Variants in DNAH8 observed in about 807,000 individuals in gnomAD.
The protein encoded by DNAH8 is axonemal beta dynein heavy chain 8.
In DNAH8, 382 loss-of-function variants were observed where a neutral mutation model predicts 562.1. The observed-to-expected ratio is 0.68, with a 90% confidence interval of 0.63 to 0.74. DNAH8 has a LOEUF of 0.74. DNAH8 is among the 30% of genes least tolerant of loss of function. The pLI, the probability that DNAH8 is intolerant of heterozygous loss-of-function variation, is 0.00. For synonymous variants in DNAH8, 1,881 were observed against 1,919.4 expected, an observed-to-expected ratio of 0.98 and a Z score of 0.52; for missense variants, 5,203 against 5,620.4, an observed-to-expected ratio of 0.93 and a Z score of 2.37.
intron 8 of DNAH8, among the ~76,000 whole-genome samples, chr6:38,742,780 T>C (rs1259145888): frequency 1.4e-5 from 2 of 139,580 alleles, no homozygotes; most frequent in African/African-American, 2.5e-5. Context: ...CAACTGCACT[T>C]TTCTATTTTA....
At chr6:38,909,459 C>T in intron 64 of DNAH8, 59 bp from the exon 65 acceptor site, 1 of 1,514,926 alleles carries the variant, frequency 6.6e-7, no homozygotes, top group Non-Finnish European at 9.2e-7. Flanking sequence ...GTAAATCTCT[C>T]TCTGGCTGAC....
At chr6:38,962,036 A>T (rs1762635178) in intron 82 of DNAH8, among the ~76,000 whole-genome samples, 1 of 152,032 alleles carries the variant, frequency 6.6e-6, no homozygotes, top group Non-Finnish European at 1.5e-5. Context: ...TTGTAAAATA[A>T]GATGTAAAAC....
Position 38,929,553 on chromosome 6 carries a change from G to A in DNAH8, c.11161G>A (p.Asp3721Asn), listed in dbSNP as rs755050080. The change falls in exon 75 of 93, where the codon GAC (aspartate) becomes AAC (asparagine). Residue 3721 changes from aspartate (D) to asparagine (N), a missense_variant. Transcript: ENST00000327475. ...NHKYFRTHLE[D>N]SLSLGRPLLI... ...TAAATATTTTCGCACACACTTGGAG[G>A]ACAGCCTTTCCTTGGGCCGACCCCT... The A allele has an allele frequency of 2.5e-6, 4 of 1,612,988 alleles. No homozygotes were observed. Among genetic ancestry groups the A allele is most frequent in the Non-Finnish European group, 8.5e-7 (1 of 1,179,428 alleles).
chr6:38,828,158 T>C, intron 29 of DNAH8, 26 bp from the exon 30 acceptor site: 3 of 1,473,686 alleles, frequency 2.0e-6, no homozygotes, highest in Non-Finnish European at 2.8e-6. Flanking sequence ...CTTGTGATAT[T>C]TCTAAACTCC....
chr6:38,963,003 A>G (rs973722644), intron 82 of DNAH8, among the ~76,000 whole-genome samples: 2 of 152,190 alleles, frequency 1.3e-5, no homozygotes, highest in Non-Finnish European at 2.9e-5. Context: ...GAGGGATAAA[A>G]TACTACTTAT....
At chr6:38,747,739 C>A (rs1030775163) in intron 8 of DNAH8, among the ~76,000 whole-genome samples, 1 of 152,172 alleles carries the variant, frequency 6.6e-6, no homozygotes, top group African/African-American at 2.4e-5. Context: ...ACTCTTTGTT[C>A]TTCTTTTCCA....
chr6:38,864,701 G>C (rs1453263701), intron 45 of DNAH8, among the ~76,000 whole-genome samples: 2 of 151,910 alleles, frequency 1.3e-5, no homozygotes, highest in African/African-American at 2.4e-5. Flanking sequence ...GGTGGGGTGG[G>C]GGAAAACGTG....
intron 82 of DNAH8, 24 bp downstream of exon 82, chr6:38,951,544 G>A (rs1276042192): frequency 1.3e-6 from 2 of 1,581,750 alleles, no homozygotes; most frequent in Non-Finnish European, 1.7e-6. Flanking sequence ...TCTACAAAAT[G>A]TAGCAACACT....
chr6:38,883,950 A>C lies in DNAH8; in HGVS notation c.8211A>C (p.Val2737=). ...CACCAGGAGGGAGAAAAATGACTGT[A>C]TTTATTGATGATATTAATATGCCTG... ...YGPPGGRKMT[V]FIDDINMPVI... is the part of the protein sequence containing the mutation. Residue 2737 remains valine, a synonymous_variant, in exon 56 of 93, where the codon GTA becomes GTC. Transcript: ENST00000327475. The C allele has an allele frequency of 6.3e-7, 1 of 1,588,268 alleles. No individual in the cohort carries two copies. Among genetic ancestry groups the C allele is most frequent in the African/African-American group, 1.3e-5 (1 of 74,266 alleles).
In DNAH8 at chr6:38,908,034, C is replaced by T. The variant is rs151313083; in HGVS notation, c.9427C>T (p.Arg3143Cys). The change falls in exon 64 of 93, where the codon CGC (arginine) becomes TGC (cysteine). Residue 3143 changes from arginine (R) to cysteine (C), a missense_variant. By Grantham distance (180) the Arg-to-Cys change is radical. Transcript: ENST00000327475. Reference sequence around the variant, plus strand: ...TTCAGTGATGAAGAGGGAGCTACCTCGCCATCCTCCTACCTTTGATAATTT... The same window carrying T: ...TTCAGTGATGAAGAGGGAGCTACCTTGCCATCCTCCTACCTTTGATAATTT... ...LISVMKRELPRHPPTFDNLYE... is the reference protein window; with the variant it reads ...LISVMKRELPCHPPTFDNLYE... The T allele has an allele frequency of 9.8e-5, 158 of 1,612,448 alleles. No individual in the cohort carries two copies. In the African/African-American group the frequency reaches 1.5e-3, roughly 16 times the overall value.
intron 91 of DNAH8, among the ~76,000 whole-genome samples, chr6:39,025,019 A>AT (rs1193244922): frequency 6.6e-6 from 1 of 152,166 alleles, no homozygotes; most frequent in Non-Finnish European, 1.5e-5. Flanking sequence ...AACCATTTGA[A>AT]TTTTTATTTA....
At chr6:38,894,618 A>G (rs2150494500) in intron 58 of DNAH8, 83 bp from the exon 59 acceptor site, 2 of 1,105,404 alleles carry the variant, frequency 1.8e-6, no homozygotes, top group Middle Eastern at 2.8e-4. Context: ...CTAAAATAGG[A>G]TTTGTGAGAC....
intron 61 of DNAH8, among the ~76,000 whole-genome samples, chr6:38,898,674 G>A (rs1011402007): frequency 2.0e-5 from 3 of 152,134 alleles, no homozygotes; most frequent in Non-Finnish European, 2.9e-5. Context: ...AAAGTATGGA[G>A]AACCCTGTGA....
chr6:38,732,085 A>G (rs1763700813), intron 4 of DNAH8, among the ~76,000 whole-genome samples: 1 of 152,180 alleles, frequency 6.6e-6, no homozygotes, highest in African/African-American at 2.4e-5. Flanking sequence ...TGGTTATATA[A>G]TACATTTTAT....
chr6:38,795,179 A>G (rs924206470), intron 21 of DNAH8, among the ~76,000 whole-genome samples: 5 of 152,202 alleles, frequency 3.3e-5, no homozygotes, highest in South Asian at 2.1e-4. Flanking sequence ...TACATTCCCA[A>G]TGTTGTATAA....
At chr6:38,723,940 A>G (rs568245231) in intron 3 of DNAH8, among the ~76,000 whole-genome samples, 8 of 151,948 alleles carry the variant, frequency 5.3e-5, no homozygotes, top group African/African-American at 1.9e-4. Flanking sequence ...TTATATAATT[A>G]TAGCCAGTTG....
chr6:38,986,089 G>T (rs1002312900), intron 87 of DNAH8, among the ~76,000 whole-genome samples: 1 of 152,210 alleles, frequency 6.6e-6, no homozygotes, highest in African/African-American at 2.4e-5. Context: ...TGTGTGATAC[G>T]ACTACCTTCT....
chr6:38,715,925 A>AAT lies in DNAH8; in HGVS notation c.-35+545_-35+546dup, dbSNP rs1206266759. Among the ~76,000 whole-genome samples, 81 of 36,886 alleles carry AAT rather than the reference A, an allele frequency of 2.2e-3. 4 individuals are homozygous for AAT. Among genetic ancestry groups the AAT allele is most frequent in the South Asian group, 3.7e-3 (4 of 1,092 alleles). 24.2% of individuals were successfully genotyped at this position (36,886 alleles called of 152,430 possible). ...ATTAAAATAAATAAATAAATAAATA[A>AAT]ATATATATATATATATATATATATA... is the stretch of plus-strand genomic sequence containing the variant. On this transcript the variant is annotated intron_variant, in intron 1 of 92. Coordinates refer to ENST00000327475, the MANE Select transcript of DNAH8 (RefSeq NM_001206927.2).
intron 17 of DNAH8, among the ~76,000 whole-genome samples, chr6:38,783,655 T>A (rs1768861011): frequency 6.6e-6 from 1 of 152,186 alleles, no homozygotes; most frequent in Non-Finnish European, 1.5e-5. Flanking sequence ...GGAGGGCTTA[T>A]GTGTTGCCAA....
Sources: allele counts gnomAD v4.1 joint callset (sites outside exome capture counted in the v4.1 genomes callset), GRCh38; gene constraint gnomAD v4.1.1; transcripts MANE v1.5; gene names NCBI Gene and HGNC (gene_info 2026-07-23, HGNC 2026-07-21).